FAM135A: variants seen among roughly 807,000 people sequenced by gnomAD.
The protein encoded by FAM135A is protein FAM135A.
A neutral mutation model predicts 146.8 loss-of-function variants in FAM135A; 79 were observed. That is an observed-to-expected ratio of 0.54 (90% CI 0.45 to 0.65). The LOEUF (loss-of-function observed/expected upper bound fraction) is 0.65. FAM135A is among the 30% of genes least tolerant of loss of function. The pLI is 0.00. For missense variants in FAM135A, 1,623 were observed against 1,758.2 expected, an observed-to-expected ratio of 0.92 and a Z score of 1.38; for synonymous variants, 562 against 603.6, an observed-to-expected ratio of 0.93 and a Z score of 1.01.
chr6:70,413,680 G>A lies in FAM135A; in HGVS notation c.-242G>A, dbSNP rs1196608619. The A allele has an allele frequency of 1.3e-5, 6 of 450,308 alleles. No individual in the cohort carries two copies. The East Asian group carries it at 4.7e-4, about 35-fold the overall frequency. The allele number at this position is 450,308 out of a possible 1,614,324, so 27.9% of individuals were successfully genotyped here. ...GAGCTCCTCCGTTCGACAGGCGGGG[G>A]AAGAGGCCGAGCCGGGCGAGAGGTA... On this transcript the variant is annotated 5_prime_UTR_variant, in exon 1 of 22. Transcript: ENST00000418814.
chr6:70,552,202 A>G (rs1194559503), intron 20 of FAM135A, among the ~76,000 whole-genome samples: 1 of 152,178 alleles, frequency 6.6e-6, no homozygotes, highest in Non-Finnish European at 1.5e-5. Flanking sequence ...ATTACTATGA[A>G]TTTTCAGAAA....
chr6:70,536,261 T>C lies in FAM135A; in HGVS notation c.3967T>C (p.Phe1323Leu). The change falls in exon 19 of 22, where the codon TTT becomes CTT. Residue 1323 changes from phenylalanine to leucine, a missense_variant and splice_region_variant. Transcript: ENST00000418814. ...ATTAATTTTTTTTTCCTCTTAAAGC[T>C]TTATTGGACATTCGTTGGGCAATTT... ...IYSLTVSKISFIGHSLGNLII... is the reference protein window; with the variant it reads ...IYSLTVSKISLIGHSLGNLII... 1 of 1,604,168 alleles carries C rather than the reference T, an allele frequency of 6.2e-7. No homozygotes were observed. Among genetic ancestry groups the C allele is most frequent in the Non-Finnish European group, 8.5e-7 (1 of 1,177,274 alleles).
chr6:70,528,269 G>C (rs374517358), intron 15 of FAM135A, 23 bp from the exon 16 acceptor site: 2 of 1,588,810 alleles, frequency 1.3e-6, no homozygotes, highest in East Asian at 2.2e-5. Flanking sequence ...TTAGTAAAGA[G>C]TATCTTTTGT....
chr6:70,520,140 A>C (rs1407876191), intron 12 of FAM135A, among the ~76,000 whole-genome samples: 1 of 152,022 alleles, frequency 6.6e-6, no homozygotes, highest in Non-Finnish European at 1.5e-5. Flanking sequence ...CTGCCTGTGT[A>C]CTTACCTCTG....
chr6:70,465,381 T>C (rs539718526), intron 5 of FAM135A, among the ~76,000 whole-genome samples: 7 of 152,304 alleles, frequency 4.6e-5, no homozygotes, highest in Admixed American at 2.0e-4. Context: ...TCTGGATAAA[T>C]ACCTAGAAGT....
At chr6:70,466,691 T>C (rs1780535633) in intron 5 of FAM135A, among the ~76,000 whole-genome samples, 1 of 152,224 alleles carries the variant, frequency 6.6e-6, no homozygotes, top group African/African-American at 2.4e-5. Context: ...GAACTTAACA[T>C]TGCCCTCCTC....
intron 20 of FAM135A, among the ~76,000 whole-genome samples, chr6:70,556,130 T>G (rs1278204347): frequency 6.6e-6 from 1 of 152,070 alleles, no homozygotes; most frequent in Non-Finnish European, 1.5e-5. Context: ...ACACCTGTAA[T>G]TCCAGCTACT....
At chr6:70,485,134 C>A (rs1192404690) in intron 10 of FAM135A, among the ~76,000 whole-genome samples, 2 of 152,024 alleles carry the variant, frequency 1.3e-5, no homozygotes, top group African/African-American at 4.8e-5. Context: ...ATTACTAGTA[C>A]CTTACACATA....
rs1338092857 is a variant in FAM135A at position 70,538,473 on chromosome 6, A to T, written c.4228+72A>T. On this transcript the variant is annotated intron_variant, in intron 20 of 21. Coordinates refer to ENST00000418814, the MANE Select transcript of FAM135A (RefSeq NM_001162529.3). The stretch of plus-strand genomic sequence containing the variant: ...TAAAAAATAAACATTTAGCAAATAA[A>T]TTATCAACATGTCTTTCTAGTGGTT... The T allele has an allele frequency of 8.7e-6, 7 of 808,948 alleles. No homozygotes were observed. The South Asian group carries it at 2.9e-4, about 33-fold the overall frequency. The allele number at this position is 808,948 out of a possible 1,614,324, so 50.1% of individuals were successfully genotyped here.
Position 70,525,116 on chromosome 6 carries a change from C to T in FAM135A, c.2032C>T (p.Pro678Ser), listed in dbSNP as rs970287435. The change falls in exon 15 of 22, where the codon CCT becomes TCT. Residue 678 changes from proline to serine, a missense_variant. Pro to Ser is a moderately conservative substitution (Grantham distance 74, BLOSUM62 -1). This residue lies in a region of FAM135A where 1,061 missense variants were observed against 1,113.8 expected (regional missense o/e 0.95). Coordinates refer to ENST00000418814, the MANE Select transcript of FAM135A (RefSeq NM_001162529.3). ...SGENITVKLGPWTELRQEEIL... is the reference protein window; with the variant it reads ...SGENITVKLGSWTELRQEEIL... ...AGAGAATATAACTGTCAAACTAGGA[C>T]CTTGGACAGAGCTTCGACAAGAGGA... The T allele has an allele frequency of 6.4e-7, 1 of 1,565,910 alleles. No individual in the cohort carries two copies. Among genetic ancestry groups the T allele is most frequent in the Non-Finnish European group, 8.6e-7 (1 of 1,161,426 alleles).
At chr6:70,460,681 T>A in intron 5 of FAM135A, among the ~76,000 whole-genome samples, 1 of 152,140 alleles carries the variant, frequency 6.6e-6, no homozygotes, top group East Asian at 1.9e-4. Context: ...AATATTTTTC[T>A]GAAAACCGAT....
chr6:70,454,533 G>A (rs1330306129), intron 5 of FAM135A, among the ~76,000 whole-genome samples: 1 of 152,088 alleles, frequency 6.6e-6, no homozygotes, highest in Admixed American at 6.6e-5. Flanking sequence ...GGATTTGTAT[G>A]GTTTTAGATA....
In FAM135A at chr6:70,524,651, T is replaced by A; in HGVS notation, c.1567T>A (p.Tyr523Asn). 6.4e-7 allele frequency: 1 copy of A among 1,550,412 alleles called. No individual in the cohort carries two copies. The highest frequency in any genetic ancestry group is 1.4e-5 in the African/African-American group (1 of 73,086). Reference protein sequence around the residue: ...NSKDSVVLVGYKCLKSTASND... With the variant: ...NSKDSVVLVGNKCLKSTASND... ...TAAGGATTCTGTGGTTTTGGTAGGC[T>A]ACAAATGTTTGAAAAGTACAGCATC... is the stretch of plus-strand genomic sequence containing the variant. The change falls in exon 15 of 22, where the codon TAC becomes AAC. Residue 523 changes from tyrosine (Y) to asparagine (N), a missense_variant. Around this residue, in one of 7 missense-constraint regions of FAM135A, gnomAD observed 1,061 missense variants for 1,113.8 expected, o/e 0.95. Coordinates refer to ENST00000418814, the MANE Select transcript of FAM135A (RefSeq NM_001162529.3).
At position 70,452,561 on chromosome 6, in the gene FAM135A, G is replaced by A; in HGVS notation, c.147G>A (p.Leu49=). 1.3e-6 allele frequency: 2 copies of A among 1,582,830 alleles called. No individual in the cohort carries two copies. Among genetic ancestry groups the A allele is most frequent in the South Asian group, 2.4e-5 (2 of 83,514 alleles). The change falls in exon 5 of 22, where the codon TTG becomes TTA. Residue 49 remains leucine (L), a synonymous_variant. Transcript: ENST00000418814. The part of the protein sequence containing the change: ...RIPHRVEASL[L]HATGMTLAFP... ...CCCACAGAGTAGAAGCTAGTTTGTTGCATGCAACAGGTAAGCCAAAGAATA... is the reference window on the plus strand; with the variant it reads ...CCCACAGAGTAGAAGCTAGTTTGTTACATGCAACAGGTAAGCCAAAGAATA...
intron 12 of FAM135A, among the ~76,000 whole-genome samples, chr6:70,515,880 G>C (rs73485130): frequency 1.1e-4 from 16 of 152,006 alleles, no homozygotes; most frequent in African/African-American, 3.4e-4. Flanking sequence ...GAAACTCTTC[G>C]TACTTTCTGA....
intron 4 of FAM135A, among the ~76,000 whole-genome samples, chr6:70,440,544 T>G (rs1042408013): frequency 2.0e-5 from 3 of 152,018 alleles, no homozygotes; most frequent in African/African-American, 7.2e-5. Flanking sequence ...AAAAATTAGC[T>G]GGGCATGGTG....
chr6:70,524,629 G>A lies in FAM135A; in HGVS notation c.1545G>A (p.Lys515=), dbSNP rs779130945. The change falls in exon 15 of 22, where the codon AAG becomes AAA. Residue 515 remains lysine (K), a synonymous_variant. Transcript: ENST00000418814. ...NTKKLIKQNS[K]DSVVLVGYKC... Reference sequence around the variant, plus strand: ...AAAAATTAATAAAACAGAACTCTAAGGATTCTGTGGTTTTGGTAGGCTACA... The same window carrying A: ...AAAAATTAATAAAACAGAACTCTAAAGATTCTGTGGTTTTGGTAGGCTACA... 20 of 1,548,572 alleles carry A rather than the reference G, an allele frequency of 1.3e-5. No individual in the cohort carries two copies. In the African/African-American group the frequency reaches 1.9e-4, roughly 15 times the overall value.
chr6:70,526,650 C>G lies in FAM135A; in HGVS notation c.3566C>G (p.Thr1189Ser). 1 of 1,610,018 alleles carries G rather than the reference C, an allele frequency of 6.2e-7. No individual in the cohort carries two copies. Among genetic ancestry groups the G allele is most frequent in the Non-Finnish European group, 8.5e-7 (1 of 1,178,600 alleles). ...KQPSSTSYNF[T>S]SSISWYESSP... Reference sequence around the variant, plus strand: ...CCAAGCAGTACTTCTTACAACTTCACTTCTTCGATTTCCTGGTATGAAAGT... The same window carrying G: ...CCAAGCAGTACTTCTTACAACTTCAGTTCTTCGATTTCCTGGTATGAAAGT... Residue 1189 changes from threonine (T) to serine (S), a missense_variant, in exon 15 of 22, where the codon ACT (threonine) becomes AGT (serine). Transcript: ENST00000418814.
At chr6:70,498,418 A>G (rs1253174097) in intron 11 of FAM135A, among the ~76,000 whole-genome samples, 2 of 152,098 alleles carry the variant, frequency 1.3e-5, no homozygotes, top group East Asian at 3.8e-4. Context: ...ATCTTTTCAA[A>G]AAAACCAGCT....
Sources: allele counts gnomAD v4.1 joint callset (sites outside exome capture counted in the v4.1 genomes callset), GRCh38; gene constraint gnomAD v4.1.1; regional missense constraint gnomAD v4.1.1; transcripts MANE v1.5; gene names NCBI Gene and HGNC (gene_info 2026-07-23, HGNC 2026-07-21).